Variants in EYS observed in about 807,000 individuals in gnomAD.
EYS encodes the protein EGF-like photoreceptor maintenance factor, also known as protein eyes shut homolog.
Under a neutral mutation model 282.1 loss-of-function variants are expected in EYS, and 250 were observed. The observed-to-expected ratio is 0.89, with a 90% CI of 0.80 to 0.98. The LOEUF is 0.98. Ranked by LOEUF, EYS falls within the 50% of genes least tolerant of loss-of-function variation. EYS has a pLI of 0.00. For synonymous variants in EYS, 1,355 were observed against 1,282.9 expected, an observed-to-expected ratio of 1.06 and a Z score of -1.20; for missense variants, 4,016 against 3,709.0, an observed-to-expected ratio of 1.08 and a Z score of -2.15.
intron 26 of EYS, among the ~76,000 whole-genome samples, chr6:64,586,661 T>C (rs1354292869): frequency 1.3e-5 from 2 of 152,112 alleles, no homozygotes; most frequent in African/African-American, 4.8e-5. Context: ...AATGATGCAG[T>C]AAATTACGTT....
At chr6:65,604,123 G>C (rs1765701820) in intron 2 of EYS, among the ~76,000 whole-genome samples, 1 of 151,788 alleles carries the variant, frequency 6.6e-6, no homozygotes, top group Non-Finnish European at 1.5e-5. Context: ...GAGATTTCCA[G>C]TTTTCTCTTA....
chr6:65,094,068 CAT>C (rs917958031), intron 12 of EYS, among the ~76,000 whole-genome samples: 79 of 151,618 alleles, frequency 5.2e-4, no homozygotes, highest in African/African-American at 1.6e-3. Flanking sequence ...AGAATGTATA[CAT>C]GTTTGAAAAC....
At chr6:63,733,280 C>T (rs964464372) in intron 41 of EYS, among the ~76,000 whole-genome samples, 7 of 152,044 alleles carry the variant, frequency 4.6e-5, no homozygotes, top group Non-Finnish European at 7.4e-5. Context: ...CTCTTCTTTT[C>T]CTTTTAATTT....
At chr6:65,701,348 A>G (rs1300117217) in intron 1 of EYS, among the ~76,000 whole-genome samples, 1 of 152,212 alleles carries the variant, frequency 6.6e-6, no homozygotes, top group Non-Finnish European at 1.5e-5. Context: ...AAATGAAGTC[A>G]TATTAATACT....
intron 29 of EYS, among the ~76,000 whole-genome samples, chr6:64,315,799 A>G (rs1032883706): frequency 1.3e-5 from 2 of 149,130 alleles, no homozygotes; most frequent in African/African-American, 2.5e-5. Flanking sequence ...CCCTATGAAC[A>G]TCGATGAGAA....
intron 33 of EYS, among the ~76,000 whole-genome samples, chr6:64,009,306 C>T (rs1307311615): frequency 2.7e-5 from 4 of 147,608 alleles, no homozygotes; most frequent in Non-Finnish European, 4.5e-5. Flanking sequence ...TTTTTGGAGA[C>T]GGAGTCTCAC....
intron 22 of EYS, among the ~76,000 whole-genome samples, chr6:64,680,482 T>C (rs1032722298): frequency 6.6e-6 from 1 of 152,216 alleles, no homozygotes; most frequent in Non-Finnish European, 1.5e-5. Flanking sequence ...ATCTCTACTT[T>C]CAGTGAATAT....
chr6:64,532,835 T>C (rs1006437791), intron 26 of EYS, among the ~76,000 whole-genome samples: 2 of 152,104 alleles, frequency 1.3e-5, no homozygotes, highest in African/African-American at 4.8e-5. Context: ...CTCTTGAAGG[T>C]ACAATAAAAT....
intron 12 of EYS, among the ~76,000 whole-genome samples, chr6:65,126,566 T>C (rs1294034302): frequency 6.6e-6 from 1 of 152,166 alleles, no homozygotes; most frequent in Non-Finnish European, 1.5e-5. Context: ...AAGGCATTAT[T>C]AAAACACAGA....
At chr6:64,115,375 A>G (rs373065731) in intron 31 of EYS, among the ~76,000 whole-genome samples, 16 of 152,136 alleles carry the variant, frequency 1.1e-4, no homozygotes, top group African/African-American at 2.9e-4. Flanking sequence ...CACACACCAA[A>G]CACCACTGCC....
intron 33 of EYS, among the ~76,000 whole-genome samples, chr6:64,033,862 A>ACATATAT (rs1582173592): frequency 6.6e-6 from 1 of 151,782 alleles, no homozygotes. Context: ...ATATATATAT[A>ACATATAT]AAATTGGGAG....
At chr6:64,926,470 G>A (rs763596832) in intron 15 of EYS, among the ~76,000 whole-genome samples, 3 of 152,126 alleles carry the variant, frequency 2.0e-5, no homozygotes, top group Non-Finnish European at 2.9e-5. Flanking sequence ...GGCTCCCCAG[G>A]TTAGATCCAG....
chr6:64,707,902 C>T (rs1771085747), intron 22 of EYS, among the ~76,000 whole-genome samples: 1 of 151,836 alleles, frequency 6.6e-6, no homozygotes, highest in South Asian at 2.1e-4. Flanking sequence ...AGTTGAATCA[C>T]CTATTTTTAA....
At position 64,590,872 on chromosome 6, in the gene EYS, AC is replaced by A. The variant is rs1213789254; in HGVS notation, c.4994del (p.Cys1665PhefsTer14). ...LDVNLCLDKTCLSIVPSQTIS... is the reference protein window; with the variant it reads ...LDVNLCLDKTXLSIVPSQTIS... ...TAGTTTGTGAAGGGACAATGGATAA[AC>A]AAGTCTTATCCAAACATAAATTAAC... On this transcript the variant is annotated frameshift_variant, in exon 26 of 43. Coordinates refer to ENST00000503581, the MANE Select transcript of EYS (RefSeq NM_001142800.2). LOFTEE classifies it high-confidence loss of function. 1.3e-6 allele frequency: 2 copies of A among 1,550,336 alleles called. No homozygotes were observed. Among genetic ancestry groups the A allele is most frequent in the Non-Finnish European group, 1.7e-6 (2 of 1,146,376 alleles).
chr6:64,338,111 T>A (rs1001014401), intron 29 of EYS, among the ~76,000 whole-genome samples: 1 of 151,952 alleles, frequency 6.6e-6, no homozygotes, highest in African/African-American at 2.4e-5. Context: ...TTCAACATAG[T>A]ACTGAAAGTT....
At chr6:65,544,001 A>AGAGT (rs1554208982) in intron 2 of EYS, among the ~76,000 whole-genome samples, 1 of 144,976 alleles carries the variant, frequency 6.9e-6, no homozygotes, top group African/African-American at 2.6e-5. Flanking sequence ...AAAAAGAGAA[A>AGAGT]GTGTGTGTGT....
At chr6:64,046,550 T>TC (rs989479320) in intron 33 of EYS, among the ~76,000 whole-genome samples, 1 of 152,056 alleles carries the variant, frequency 6.6e-6, no homozygotes, top group African/African-American at 2.4e-5. Context: ...TTTATTCTTT[T>TC]TTTTTTTTCA....
intron 23 of EYS, among the ~76,000 whole-genome samples, chr6:64,625,642 G>A (rs1330231132): frequency 2.6e-5 from 4 of 152,136 alleles, no homozygotes; most frequent in Non-Finnish European, 5.9e-5. Context: ...TTGTTGATTA[G>A]GGTTCAACAC....
intron 36 of EYS, among the ~76,000 whole-genome samples, chr6:63,844,833 T>A (rs749107164): frequency 1.3e-5 from 2 of 152,192 alleles, no homozygotes; most frequent in Non-Finnish European, 2.9e-5. Context: ...GTTGATAGAG[T>A]CTTCTGCTGT....
Sources: gnomAD v4.1 joint callset for allele counts (sites outside exome capture counted in the v4.1 genomes callset) on GRCh38, gnomAD v4.1.1 for gene constraint, MANE v1.5 for transcripts, NCBI Gene and HGNC (gene_info 2026-07-23, HGNC 2026-07-21) for gene names.